The following WWC1 variants were observed in gnomAD, a reference collection of about 807,000 sequenced individuals.
WWC1 encodes WW and C2 domain containing 1.
Under a neutral mutation model 138.4 loss-of-function variants are expected in WWC1, and 55 were observed. The observed-to-expected ratio is 0.40, with a 90% confidence interval of 0.32 to 0.50. WWC1 has a LOEUF of 0.50. Ranked by LOEUF, WWC1 falls within the 20% of genes least tolerant of loss-of-function variation. The probability of loss-of-function intolerance (pLI) is 0.72; values close to 1 mark genes in which losing one functional copy is unlikely to be tolerated. For synonymous variants in WWC1, 524 were observed against 564.9 expected (o/e 0.93, Z 1.03); for missense variants, 1,226 against 1,420.4 (o/e 0.86, Z 2.20).
At chr5:168,435,130 C>G (rs1004041762) in intron 15 of WWC1, among the ~76,000 whole-genome samples, 1 of 152,198 alleles carries the variant, frequency 6.6e-6, no homozygotes. Context: ...ACCCACTCAT[C>G]ACAATGACTA....
intron 20 of WWC1, 59 bp downstream of exon 20, chr5:168,460,801 C>T (rs1582385077): frequency 1.3e-6 from 2 of 1,540,696 alleles, no homozygotes; most frequent in South Asian, 1.1e-5. Flanking sequence ...GCCCCAAGCC[C>T]TGTGTCCTGC....
At chr5:168,314,887 A>T (rs1371482162) in intron 1 of WWC1, among the ~76,000 whole-genome samples, 1 of 152,188 alleles carries the variant, frequency 6.6e-6, no homozygotes, top group Non-Finnish European at 1.5e-5. Flanking sequence ...GGATTAGGAC[A>T]CTGCCCTCGC....
chr5:168,357,332 A>ACT (rs1304199072), intron 1 of WWC1, among the ~76,000 whole-genome samples: 1 of 144,954 alleles, frequency 6.9e-6, no homozygotes, highest in Non-Finnish European at 1.5e-5. Context: ...ACACACACAC[A>ACT]CTTTTTGGGC....
chr5:168,430,922 G>C (rs1315934854), intron 14 of WWC1, among the ~76,000 whole-genome samples: 1 of 152,192 alleles, frequency 6.6e-6, no homozygotes, highest in Non-Finnish European at 1.5e-5. Flanking sequence ...AAGACAAGAT[G>C]GGATGCTTGG....
intron 1 of WWC1, among the ~76,000 whole-genome samples, chr5:168,321,557 G>A (rs1405044211): frequency 1.4e-5 from 2 of 142,604 alleles, no homozygotes; most frequent in African/African-American, 2.6e-5. Flanking sequence ...TTTTTGAGAC[G>A]AAGTTTCACT....
At chr5:168,347,351 A>C (rs1774564109) in intron 1 of WWC1, among the ~76,000 whole-genome samples, 1 of 152,214 alleles carries the variant, frequency 6.6e-6, no homozygotes, top group African/African-American at 2.4e-5. Flanking sequence ...CAGGCTCGCA[A>C]GGGTCTCTTC....
At position 168,374,303 on chromosome 5, in the gene WWC1, G is replaced by A. The variant is rs549576317; in HGVS notation, c.229+2770G>A. On this transcript the variant is annotated intron_variant, in intron 2 of 22. Transcript: ENST00000265293. ...AATGTTCAGTACACAGAAAAAAGGA[G>A]CAAAGTCGGGAGCTGAGGTGTATTT... Among the ~76,000 whole-genome samples the A allele has an allele frequency of 2.0e-5, 3 of 152,292 alleles. No individual in the cohort carries two copies. The South Asian group carries it at 6.2e-4, about 32-fold the overall frequency.
At chr5:168,394,860 G>A (rs1452119066) in intron 3 of WWC1, among the ~76,000 whole-genome samples, 1 of 152,202 alleles carries the variant, frequency 6.6e-6, no homozygotes, top group East Asian at 1.9e-4. Flanking sequence ...TCCTCAGGCT[G>A]TACATACATG....
intron 2 of WWC1, among the ~76,000 whole-genome samples, chr5:168,378,628 A>C (rs1254524682): frequency 6.6e-6 from 1 of 152,140 alleles, no homozygotes; most frequent in Non-Finnish European, 1.5e-5. Context: ...ATACCTTGGG[A>C]GCTTTTAGTA....
chr5:168,397,177 C>T (rs1244066307), intron 3 of WWC1, among the ~76,000 whole-genome samples: 1 of 149,832 alleles, frequency 6.7e-6, no homozygotes, highest in African/African-American at 2.5e-5. Context: ...GAGTCTCGCT[C>T]TGTCACCCAG....
chr5:168,395,397 T>C (rs1778823982), intron 3 of WWC1, among the ~76,000 whole-genome samples: 2 of 152,260 alleles, frequency 1.3e-5, no homozygotes, highest in Non-Finnish European at 2.9e-5. Flanking sequence ...CTTGTATTAC[T>C]GTTGATCAGT....
chr5:168,377,658 G>A (rs1777304001), intron 2 of WWC1, among the ~76,000 whole-genome samples: 1 of 152,082 alleles, frequency 6.6e-6, no homozygotes. Context: ...ACATAAAAGA[G>A]GCTAACAAAC....
At chr5:168,329,937 C>T (rs991172860) in intron 1 of WWC1, among the ~76,000 whole-genome samples, 3 of 151,928 alleles carry the variant, frequency 2.0e-5, no homozygotes, top group African/African-American at 4.8e-5. Flanking sequence ...TGGTGAAACC[C>T]TGTCTCTACT....
At chr5:168,386,838 C>T (rs948289858) in intron 3 of WWC1, among the ~76,000 whole-genome samples, 6 of 151,870 alleles carry the variant, frequency 4.0e-5, no homozygotes, top group African/African-American at 1.5e-4. Flanking sequence ...TTAGTAAAGA[C>T]AGGGTTTCCC....
At chr5:168,371,896 G>T (rs1169588551) in intron 2 of WWC1, among the ~76,000 whole-genome samples, 1 of 152,090 alleles carries the variant, frequency 6.6e-6, no homozygotes, top group Admixed American at 6.5e-5. Flanking sequence ...ATGTAAATTT[G>T]TGGGCATACC....
intron 17 of WWC1, among the ~76,000 whole-genome samples, chr5:168,452,367 G>A (rs1182589392): frequency 1.3e-5 from 2 of 152,166 alleles, no homozygotes; most frequent in East Asian, 1.9e-4. Context: ...TTAAAGAGGT[G>A]GTTAACACGA....
At chr5:168,449,000 CA>C (rs1289547933) in intron 17 of WWC1, among the ~76,000 whole-genome samples, 1 of 152,162 alleles carries the variant, frequency 6.6e-6, no homozygotes, top group African/African-American at 2.4e-5. Flanking sequence ...TCAATCTAAT[CA>C]AACTGCTGTA....
At chr5:168,347,872 C>T (rs1774606066) in intron 1 of WWC1, among the ~76,000 whole-genome samples, 1 of 152,142 alleles carries the variant, frequency 6.6e-6, no homozygotes, top group East Asian at 1.9e-4. Flanking sequence ...TTGCAGAGGT[C>T]ACTATCTCCA....
intron 20 of WWC1, among the ~76,000 whole-genome samples, chr5:168,464,143 G>T (rs1225759129): frequency 1.3e-5 from 2 of 152,116 alleles, no homozygotes; most frequent in East Asian, 3.9e-4. Flanking sequence ...GAAGGTGAGG[G>T]CATTGTTACT....
Sources: allele counts gnomAD v4.1 joint callset (sites outside exome capture counted in the v4.1 genomes callset), GRCh38; gene constraint gnomAD v4.1.1; transcripts MANE v1.5; gene names NCBI Gene and HGNC (gene_info 2026-07-23, HGNC 2026-07-21).